Variants in MMP17 observed in about 807,000 individuals in gnomAD.
MMP17 encodes matrix metalloproteinase-17.
In MMP17, 54 loss-of-function variants were observed where a neutral mutation model predicts 49.1. The ratio of observed to expected loss-of-function variants is 1.10; its 90% CI spans 0.88 to 1.38. MMP17 has a LOEUF of 1.38. Among genes scored for constraint, MMP17 ranks in the 40% most tolerant of loss-of-function variants. MMP17 has a pLI of 0.00. For missense variants in MMP17, 837 were observed against 853.7 expected (o/e 0.98, Z 0.24); for synonymous variants, 397 against 383.1 (o/e 1.04, Z -0.42).
Position 131,846,299 on chromosome 12 carries a change from C to T in MMP17, c.1204+850C>T, listed in dbSNP as rs1175706107. Reference sequence around the variant, plus strand: ...GCCTCTGTCTCCACCCGGCCGTCTCCTCCCCCATCTCCGCATCTTCTCTTA... The same window carrying T: ...GCCTCTGTCTCCACCCGGCCGTCTCTTCCCCCATCTCCGCATCTTCTCTTA... On this transcript the variant is annotated intron_variant, in intron 8 of 9. Coordinates refer to ENST00000360564, the MANE Select transcript of MMP17 (RefSeq NM_016155.7). This position sits in a 1 kb window ranked among gnomAD's most constrained non-coding sequence, Gnocchi z 4.6. 6.6e-6 allele frequency among the ~76,000 whole-genome samples: 1 copy of T among 152,140 alleles called. No individual in the cohort carries two copies. The highest frequency in any genetic ancestry group is 1.9e-4 in the East Asian group (1 of 5,182).
At chr12:131,847,257 C>CA (rs1431184593) in intron 8 of MMP17, among the ~76,000 whole-genome samples, 3 of 151,658 alleles carry the variant, frequency 2.0e-5, no homozygotes, top group African/African-American at 4.8e-5. Flanking sequence ...CTACAAAATA[C>CA]AAAAAATTTG....
intron 1 of MMP17, among the ~76,000 whole-genome samples, chr12:131,829,617 G>C (rs768564892): frequency 1.3e-5 from 2 of 152,206 alleles, no homozygotes; most frequent in Non-Finnish European, 2.9e-5. Flanking sequence ...CCTCGTCCGC[G>C]GACAGTCTCC....
intron 1 of MMP17, among the ~76,000 whole-genome samples, chr12:131,833,028 C>T (rs544597902): frequency 1.2e-4 from 19 of 152,334 alleles, no homozygotes; most frequent in South Asian, 1.0e-3. Flanking sequence ...TGGTCACAGG[C>T]GGAGACCCGG....
At position 131,850,946 on chromosome 12, in the gene MMP17, G is replaced by T. The variant is rs1887939778; in HGVS notation, c.1484G>T (p.Gly495Val). ...TCAGGTGCCTCCTACTTCTTCCGTGGCCAGGAGTACTGGAAAGTGCTGGAT... is the reference window on the plus strand; with the variant it reads ...TCAGGTGCCTCCTACTTCTTCCGTGTCCAGGAGTACTGGAAAGTGCTGGAT... ...WSDGASYFFR[G>V]QEYWKVLDGE... The change falls in exon 10 of 10, where the codon GGC becomes GTC. Residue 495 changes from glycine to valine, a missense_variant. By Grantham distance (109) the Gly-to-Val change is moderately radical (BLOSUM62 -3). Coordinates refer to ENST00000360564, the MANE Select transcript of MMP17 (RefSeq NM_016155.7). 6.7e-7 allele frequency: 1 copy of T among 1,495,468 alleles called. No individual in the cohort carries two copies. Among genetic ancestry groups the T allele is most frequent in the Non-Finnish European group, 8.9e-7 (1 of 1,121,906 alleles). 92.6% of individuals were successfully genotyped at this position (1,495,468 alleles called of 1,614,324 possible). A position where few individuals can be genotyped will look rare whatever the true frequency, so the allele number is the denominator to read the frequency against.
chr12:131,828,460 A>C lies in MMP17; in HGVS notation c.-35A>C. ...CGGAACGCGAAGCGGAGGGCGCGGG[A>C]CCCTGCACGCCGCCCGCGGGCCCAT... On this transcript the variant is annotated 5_prime_UTR_variant, in exon 1 of 10. Coordinates refer to ENST00000360564, the MANE Select transcript of MMP17 (RefSeq NM_016155.7). The C allele has an allele frequency of 1.0e-6, 1 of 986,368 alleles. No homozygotes were observed. The highest frequency in any genetic ancestry group is 1.2e-6 in the Non-Finnish European group (1 of 830,584). The allele number at this position is 986,368 out of a possible 1,614,324, so 61.1% of individuals were successfully genotyped here.
intron 5 of MMP17, 31 bp downstream of exon 5, chr12:131,841,831 C>A: frequency 6.5e-7 from 1 of 1,531,932 alleles, no homozygotes; most frequent in Non-Finnish European, 8.8e-7. Flanking sequence ...AGACACAGGG[C>A]CCCTGGAAGA....
intron 1 of MMP17, among the ~76,000 whole-genome samples, chr12:131,828,862 G>C (rs576152195): frequency 6.6e-6 from 1 of 152,026 alleles, no homozygotes; most frequent in Admixed American, 6.5e-5. Flanking sequence ...CTGGGGAGGC[G>C]CCGGCTGCCG....
Position 131,850,004 on chromosome 12 carries a change from C to T in MMP17, c.1407C>T (p.Ser469=), listed in dbSNP as rs773917004. Residue 469 remains serine (S), a synonymous_variant, in exon 9 of 10, where the codon AGC becomes AGT. Coordinates refer to ENST00000360564, the MANE Select transcript of MMP17 (RefSeq NM_016155.7). The part of the protein sequence containing the change: ...RHMDPGYPAQ[S]PLWRGVPSTL... ...TGGACCCCGGCTACCCCGCCCAGAG[C>T]CCCCTGTGGAGGGGTGTCCCCAGCA... 1.9e-6 allele frequency: 3 copies of T among 1,613,536 alleles called. No individual in the cohort carries two copies. The highest frequency in any genetic ancestry group is 2.7e-5 in the African/African-American group (2 of 75,064).
chr12:131,845,712 G>A (rs1056802233), intron 8 of MMP17, among the ~76,000 whole-genome samples: 2 of 152,314 alleles, frequency 1.3e-5, no homozygotes, highest in Middle Eastern at 3.4e-3. Flanking sequence ...CAGTCCACCC[G>A]CAAGTCAGGA....
In MMP17 at chr12:131,843,948, G is replaced by A. The variant is rs1282456816; in HGVS notation, c.884-49G>A. 5 of 1,356,896 alleles carry A rather than the reference G, an allele frequency of 3.7e-6. No individual in the cohort carries two copies. In the South Asian group the frequency reaches 3.9e-5, roughly 10 times the overall value. 84.1% of individuals were successfully genotyped at this position (1,356,896 alleles called of 1,614,324 possible). On this transcript the variant is annotated intron_variant, in intron 5 of 9. Transcript: ENST00000360564. ...CAGAAGGGCTGGTGGGATGTGGGGG[G>A]AGGCGGGCGTCGGGGGTTTGAGGCC...
rs376663973 is a variant in MMP17 at position 131,838,645 on chromosome 12, G to C, written c.326G>C (p.Arg109Pro). Residue 109 changes from arginine to proline, a missense_variant, in exon 3 of 10, where the codon CGC (arginine) becomes CCC (proline). Transcript: ENST00000360564. The part of the protein sequence containing the change: ...EATLALMKTP[R>P]CSLPDLPVLT... ...ACCCTGGCCCTGATGAAAACCCCAC[G>C]CTGCTCCCTGCCAGACCTCCCTGTC... is the stretch of plus-strand genomic sequence containing the variant. 5.6e-6 allele frequency: 9 copies of C among 1,611,186 alleles called. No individual in the cohort carries two copies. Among genetic ancestry groups the C allele is most frequent in the African/African-American group, 2.7e-5 (2 of 74,836 alleles).
At chr12:131,843,120 C>T (rs1364195043) in intron 5 of MMP17, among the ~76,000 whole-genome samples, 8 of 151,828 alleles carry the variant, frequency 5.3e-5, no homozygotes, top group Non-Finnish European at 7.4e-5. Flanking sequence ...ACCGCCACCA[C>T]GCCCGGCTAA....
At chr12:131,829,094 G>A (rs1304935459) in intron 1 of MMP17, among the ~76,000 whole-genome samples, 1 of 152,236 alleles carries the variant, frequency 6.6e-6, no homozygotes. Context: ...GGAAGGGCAG[G>A]GGCTACGGAG....
At chr12:131,833,659 T>C (rs1886936512) in intron 1 of MMP17, among the ~76,000 whole-genome samples, 2 of 152,262 alleles carry the variant, frequency 1.3e-5, no homozygotes, top group South Asian at 4.1e-4. Flanking sequence ...AGCCTTAGTT[T>C]TCTCATCTGT....
rs1392173445 is a variant in MMP17, at chr12:131,851,490, C to T, written c.*216C>T. On this transcript the variant is annotated 3_prime_UTR_variant, in exon 10 of 10. Transcript: ENST00000360564. Reference sequence around the variant, plus strand: ...CCTAGTGAGGGACTGTGTTGACTGACGAGCCGAGGGGTGGCCGCTCCAGAA... The same window carrying T: ...CCTAGTGAGGGACTGTGTTGACTGATGAGCCGAGGGGTGGCCGCTCCAGAA... 3 of 418,794 alleles carry T rather than the reference C, an allele frequency of 7.2e-6. No homozygotes were observed. Among genetic ancestry groups the T allele is most frequent in the Admixed American group, 4.4e-5 (1 of 22,716 alleles). 25.9% of individuals were successfully genotyped at this position (418,794 alleles called of 1,614,324 possible). A position where few individuals can be genotyped will look rare whatever the true frequency, so the allele number is the denominator to read the frequency against.
intron 1 of MMP17, among the ~76,000 whole-genome samples, chr12:131,831,737 G>A (rs574969320): frequency 1.3e-3 from 192 of 144,228 alleles, no homozygotes; most frequent in African/African-American, 4.8e-3. Flanking sequence ...CCCTGTCTGC[G>A]CAATGGGGCC....
chr12:131,849,572 G>C (rs570947517), intron 8 of MMP17, among the ~76,000 whole-genome samples: 6 of 152,200 alleles, frequency 3.9e-5, no homozygotes, highest in Admixed American at 2.6e-4. Context: ...AGGGGTGGCC[G>C]GCAGCGTCCA....
chr12:131,844,203 T>A, intron 6 of MMP17, 122 bp downstream of exon 6: 1 of 788,602 alleles, frequency 1.3e-6, no homozygotes. Flanking sequence ...TGTGGCCGAC[T>A]GAGCCCCCAG....
At chr12:131,843,267 CTTTTTT>C (rs55938259) in intron 5 of MMP17, among the ~76,000 whole-genome samples, 2 of 108,012 alleles carry the variant, frequency 1.9e-5, no homozygotes, top group Admixed American at 9.9e-5. Flanking sequence ...CACCTGGCCT[CTTTTTT>C]TTTTTTTTTT....
Sources: gnomAD v4.1 joint callset for allele counts (sites outside exome capture counted in the v4.1 genomes callset) on GRCh38, gnomAD v4.1.1 for gene constraint, Gnocchi (gnomAD v3.1) non-coding constraint, MANE v1.5 for transcripts, NCBI Gene and HGNC (gene_info 2026-07-23, HGNC 2026-07-21) for gene names.